Variants in ITFG2 observed in about 807,000 individuals in gnomAD.
The protein encoded by ITFG2 is integrin alpha FG-GAP repeat containing 2.
In ITFG2, 36 loss-of-function variants were observed where a neutral mutation model predicts 54.4. The observed-to-expected ratio is 0.66, with a 90% CI of 0.51 to 0.87. The LOEUF is 0.87. ITFG2 is among the 40% of genes least tolerant of loss of function. The probability of loss-of-function intolerance (pLI) is 0.00; values close to 1 mark genes in which losing one functional copy is unlikely to be tolerated. For missense variants in ITFG2, 524 were observed against 576.7 expected (o/e 0.91, Z 0.94); for synonymous variants, 211 against 225.4 (o/e 0.94, Z 0.57).
intron 2 of ITFG2, among the ~76,000 whole-genome samples, chr12:2,841,907 TGTG>T (rs2098042028): frequency 6.6e-6 from 1 of 150,726 alleles, no homozygotes; most frequent in African/African-American, 2.4e-5. Flanking sequence ...TTAGTAGTGA[TGTG>T]GTTTCACCAT....
chr12:2,853,794 G>A (rs915001829), intron 2 of ITFG2, among the ~76,000 whole-genome samples: 2 of 152,038 alleles, frequency 1.3e-5, no homozygotes, highest in African/African-American at 2.4e-5. Flanking sequence ...CAGGGTGGCC[G>A]GGAGGGGGAG....
chr12:2,814,842 C>CA (rs889708936), intron 1 of ITFG2, among the ~76,000 whole-genome samples: 1 of 149,956 alleles, frequency 6.7e-6, no homozygotes, highest in East Asian at 1.9e-4. Context: ...AAACAAACAA[C>CA]AAAAAAACAG....
exon 3 of ITFG2, chr12:2,858,149 G>A (rs1039809652): frequency 6.5e-6 from 1 of 154,770 alleles, no homozygotes; most frequent in Admixed American, 6.4e-5. Context: ...GTGCACTGCA[G>A]GTCTTCCCTT....
At chr12:2,854,670 C>G (rs1271191165) in intron 2 of ITFG2, among the ~76,000 whole-genome samples, 1 of 152,220 alleles carries the variant, frequency 6.6e-6, no homozygotes, top group Non-Finnish European at 1.5e-5. Context: ...TACCAGGTGT[C>G]ACCTGCATAG....
In ITFG2 at chr12:2,824,309, T is replaced by C. The variant is rs754350406; in HGVS notation, c.*116T>C. 4.5e-6 allele frequency: 5 copies of C among 1,104,332 alleles called. No homozygotes were observed. In the South Asian group the frequency reaches 6.5e-5, roughly 14 times the overall value. 68.4% of individuals were successfully genotyped at this position (1,104,332 alleles called of 1,614,324 possible). A position where few individuals can be genotyped will look rare whatever the true frequency, so the allele number is the denominator to read the frequency against. On this transcript the variant is annotated 3_prime_UTR_variant, in exon 12 of 12. Transcript: ENST00000228799. ...GCATTACAGAAATGCAGGATTTGAC[T>C]CTGGGCATGAAAGATGGCAGCAGCC...
chr12:2,829,625 G>T (rs187243765), downstream of ITFG2, among the ~76,000 whole-genome samples: 1 of 151,960 alleles, frequency 6.6e-6, no homozygotes, highest in Non-Finnish European at 1.5e-5. Context: ...GAATTAGCCA[G>T]CTGTGGTGGC....
At chr12:2,843,107 A>G (rs981880968) in intron 2 of ITFG2, among the ~76,000 whole-genome samples, 1 of 152,244 alleles carries the variant, frequency 6.6e-6, no homozygotes, top group Non-Finnish European at 1.5e-5. Flanking sequence ...GCCCTGCCAC[A>G]TAAGGAAATT....
At chr12:2,855,502 G>A (rs2098084505) in intron 2 of ITFG2, 2 of 1,317,914 alleles carry the variant, frequency 1.5e-6, no homozygotes, top group Admixed American at 5.9e-5. Context: ...GGTGCAGAAA[G>A]GTGGGTGAGG....
downstream of ITFG2, chr12:2,828,046 A>G: frequency 1.2e-6 from 2 of 1,612,678 alleles, no homozygotes; most frequent in Non-Finnish European, 1.7e-6. Context: ...CTTTTCTCTA[A>G]CCTGTGGTTG....
intron 2 of ITFG2, chr12:2,848,989 C>G: frequency 2.0e-6 from 1 of 511,544 alleles, no homozygotes; most frequent in Non-Finnish European, 3.5e-6. Flanking sequence ...GCCTCCTGGC[C>G]GCAGTCCTCC....
chr12:2,817,961 T>A lies in ITFG2; in HGVS notation c.234+11T>A, dbSNP rs772300317. The A allele has an allele frequency of 3.1e-6, 5 of 1,613,318 alleles. No individual in the cohort carries two copies. The highest frequency in any genetic ancestry group is 4.2e-6 in the Non-Finnish European group (5 of 1,179,660). On this transcript the variant is annotated intron_variant, in intron 3 of 11. Coordinates refer to ENST00000228799, the MANE Select transcript of ITFG2 (RefSeq NM_018463.4). ...TGTAATAAAGGAAAGGTAAGAACTATAGGGGACCTTCCTTGGTTCTTAGCT... is the reference window on the plus strand; with the variant it reads ...TGTAATAAAGGAAAGGTAAGAACTAAAGGGGACCTTCCTTGGTTCTTAGCT...
intron 9 of ITFG2, 120 bp downstream of exon 9, chr12:2,821,912 T>A: frequency 1.5e-6 from 1 of 689,066 alleles, no homozygotes; most frequent in Non-Finnish European, 2.4e-6. Flanking sequence ...CTTTAGTCTC[T>A]GTCTCTTTTT....
chr12:2,821,803 A>T lies in ITFG2; in HGVS notation c.948+11A>T. On this transcript the variant is annotated intron_variant, in intron 9 of 11. Transcript: ENST00000228799. ...AAACTGGATGTCACCGTGAGTGGAA[A>T]ACCTGGCAGAGCAGAGCATTCCTGC... 1 of 1,602,656 alleles carries T rather than the reference A, an allele frequency of 6.2e-7. No individual in the cohort carries two copies. The highest frequency in any genetic ancestry group is 1.1e-5 in the South Asian group (1 of 90,792).
intron 1 of ITFG2, among the ~76,000 whole-genome samples, chr12:2,838,465 A>G (rs2098033684): frequency 6.6e-6 from 1 of 152,134 alleles, no homozygotes; most frequent in African/African-American, 2.4e-5. Context: ...TGTACACTGC[A>G]CTCCAGGGAA....
In ITFG2 at chr12:2,837,898, C is replaced by T. The variant is rs540230715; in HGVS notation, n.146+942C>T. Among the ~76,000 whole-genome samples the T allele has an allele frequency of 3.9e-5, 6 of 152,290 alleles. No individual in the cohort carries two copies. The East Asian group carries it at 5.8e-4, about 15-fold the overall frequency. ...GATATAGCAGAGCAGGTGGTCCAGT[C>T]CTTGTGTTCTCTCTCCCAAGGTCTG... On this transcript the variant is annotated intron_variant and non_coding_transcript_variant, in intron 1 of 3. Transcript: ENST00000537710.
Position 2,823,912 on chromosome 12 carries a change from G to A in ITFG2, c.1209G>A (p.Glu403=), listed in dbSNP as rs775834475. ...TGAAACTGCTGGAGACCAAGCCGGA[G>A]TACCACAGCCTGCTGCAGGAGCTGG... ...NLVKLLETKP[E]YHSLLQELGV... The change falls in exon 11 of 12, where the codon GAG becomes GAA. Residue 403 remains glutamate (E), a synonymous_variant. Coordinates refer to ENST00000228799, the MANE Select transcript of ITFG2 (RefSeq NM_018463.4). 3 of 1,613,522 alleles carry A rather than the reference G, an allele frequency of 1.9e-6. No homozygotes were observed. In the Admixed American group the frequency reaches 5.0e-5, roughly 27 times the overall value.
In ITFG2 at chr12:2,821,319, C is replaced by G. The variant is rs1471753134; in HGVS notation, c.753C>G (p.Asn251Lys). ...VLHQTSGRIH[N>K]KNVSTHLIGN... ...ACCAGACATCTGGCCGTATCCACAA[C>G]AAGAATGTCTCCACTCACCTAATTG... Residue 251 changes from asparagine to lysine, a missense_variant, in exon 7 of 12, where the codon AAC becomes AAG. Coordinates refer to ENST00000228799, the MANE Select transcript of ITFG2 (RefSeq NM_018463.4). 1 of 1,609,962 alleles carries G rather than the reference C, an allele frequency of 6.2e-7. No individual in the cohort carries two copies. The highest frequency in any genetic ancestry group is 8.5e-7 in the Non-Finnish European group (1 of 1,178,158).
At chr12:2,853,946 G>A (rs1430264974) in intron 2 of ITFG2, among the ~76,000 whole-genome samples, 1 of 152,160 alleles carries the variant, frequency 6.6e-6, no homozygotes, top group Admixed American at 6.5e-5. Flanking sequence ...TCCCCATGAG[G>A]CCTTCCTGTG....
chr12:2,835,001 A>G (rs373649173), upstream of ITFG2: 8 of 1,538,468 alleles, frequency 5.2e-6, no homozygotes, highest in East Asian at 1.1e-4. Flanking sequence ...CAGCCGCGTC[A>G]GTCTCCAATT....
Sources: gnomAD v4.1 joint callset for allele counts (sites outside exome capture counted in the v4.1 genomes callset) on GRCh38, gnomAD v4.1.1 for gene constraint, MANE v1.5 for transcripts, NCBI Gene and HGNC (gene_info 2026-07-23, HGNC 2026-07-21) for gene names.